Variants in ZFP64 observed in about 807,000 individuals in gnomAD.
ZFP64 encodes zinc finger protein 64.
Under a neutral mutation model 51.6 loss-of-function variants are expected in ZFP64, and 14 were observed. That is an observed-to-expected ratio of 0.27 (90% CI 0.18 to 0.42). The LOEUF (loss-of-function observed/expected upper bound fraction) is 0.42. Ranked by LOEUF, ZFP64 falls within the 10% of genes least tolerant of loss-of-function variation. ZFP64 has a pLI of 1.00. For missense variants in ZFP64, 754 were observed against 906.8 expected (o/e 0.83, Z 2.16); for synonymous variants, 375 against 361.4 (o/e 1.04, Z -0.43).
intron 2 of ZFP64, among the ~76,000 whole-genome samples, chr20:52,170,163 A>T (rs1420766154): frequency 6.6e-6 from 1 of 151,280 alleles, no homozygotes; most frequent in East Asian, 2.0e-4. Flanking sequence ...GGTTAAACAC[A>T]GCAAAGGGCC....
intron 5 of ZFP64, among the ~76,000 whole-genome samples, chr20:52,098,929 G>A (rs1041346739): frequency 6.7e-6 from 1 of 150,234 alleles, no homozygotes. Flanking sequence ...TGGAACCTGG[G>A]AGGCAGAGGT....
At chr20:52,134,817 T>C (rs1462279643) in intron 5 of ZFP64, among the ~76,000 whole-genome samples, 4 of 152,178 alleles carry the variant, frequency 2.6e-5, no homozygotes, top group Non-Finnish European at 4.4e-5. Flanking sequence ...GGACCACTTT[T>C]TTTTGTATGG....
intron 5 of ZFP64, chr20:52,111,033 C>A: frequency 7.1e-7 from 1 of 1,413,174 alleles, no homozygotes; most frequent in Admixed American, 1.8e-5. Context: ...GCTTGGTGTG[C>A]AGGCCGCTGC....
At chr20:52,098,634 A>G (rs778722692) in intron 5 of ZFP64, 2 of 1,611,572 alleles carry the variant, frequency 1.2e-6, no homozygotes, top group Non-Finnish European at 1.7e-6. Flanking sequence ...TATAACCACC[A>G]TGCTAAGTCT....
rs1206448306 is a variant in ZFP64, at chr20:52,085,927, A to G, written c.1229-661T>C. 5.9e-5 allele frequency among the ~76,000 whole-genome samples: 9 copies of G among 152,156 alleles called. No individual in the cohort carries two copies. The East Asian group carries it at 1.7e-3, about 29-fold the overall frequency. ...GCTGCTTTAAACGTCAGTTGAATAT[A>G]CACAAAGATAAGCATCTTATCCTAC... On this transcript the variant is annotated intron_variant, in intron 8 of 8. Transcript: ENST00000361387. The surrounding 1 kb of genome is among the most constrained non-coding windows in gnomAD (Gnocchi z 4.3).
At chr20:52,149,966 TG>T (rs1369104117), downstream of ZFP64, among the ~76,000 whole-genome samples, 2 of 152,180 alleles carry the variant, frequency 1.3e-5, no homozygotes, top group Non-Finnish European at 2.9e-5. Context: ...CCCAGCACTT[TG>T]GGAGACCGAG....
chr20:52,096,775 G>A, intron 7 of ZFP64: 1 of 207,048 alleles, frequency 4.8e-6, no homozygotes, highest in Non-Finnish European at 1.0e-5. Flanking sequence ...TGTAATCCTA[G>A]CTATTCAGGA....
intron 5 of ZFP64, among the ~76,000 whole-genome samples, chr20:52,103,757 T>C (rs1600708457): frequency 6.6e-6 from 1 of 152,252 alleles, no homozygotes; most frequent in East Asian, 1.9e-4. Context: ...GACGGGATCC[T>C]GTAAGTCTCA....
chr20:52,157,343 TCA>T (rs1280844683), intron 5 of ZFP64, among the ~76,000 whole-genome samples: 1 of 152,144 alleles, frequency 6.6e-6, no homozygotes, highest in African/African-American at 2.4e-5. Context: ...CATAGGAAAC[TCA>T]CACAGTTTTT....
intron 5 of ZFP64, among the ~76,000 whole-genome samples, chr20:52,155,389 T>TC (rs200780415): frequency 0.016 from 2,434 of 152,288 alleles, 62 homozygotes; most frequent in African/African-American, 0.056. Context: ...TTCAAGGACC[T>TC]CCTTCCCAAA....
intron 5 of ZFP64, among the ~76,000 whole-genome samples, chr20:52,113,422 CTTTT>C (rs936439409): frequency 1.0e-4 from 10 of 96,518 alleles, no homozygotes; most frequent in Non-Finnish European, 1.8e-4. Context: ...GCCAGGAATT[CTTTT>C]TTTTTTTTTT....
Position 52,105,047 on chromosome 20 carries a change from C to A in ZFP64, c.764-6460G>T. 3.6e-6 allele frequency: 5 copies of A among 1,382,362 alleles called. No homozygotes were observed. In the South Asian group the frequency reaches 7.9e-5, roughly 22 times the overall value. The allele number at this position is 1,382,362 out of a possible 1,614,324, so 85.6% of individuals were successfully genotyped here. A position where few individuals can be genotyped will look rare whatever the true frequency, so the allele number is the denominator to read the frequency against. ...TTCGCCCGCCCTTTCAGGTCCCCTG[C>A]CCGGTCCTCGTACCCGCGCGGGTCC... On this transcript the variant is annotated intron_variant, in intron 5 of 8. Coordinates refer to the ZFP64 transcript ENST00000361387.
At chr20:52,112,801 G>A (rs1488089671) in intron 5 of ZFP64, among the ~76,000 whole-genome samples, 1 of 151,792 alleles carries the variant, frequency 6.6e-6, no homozygotes, top group African/African-American at 2.4e-5. Flanking sequence ...TTTTTTTGTA[G>A]AGAAGATGTT....
chr20:52,098,437 C>G lies in ZFP64; in HGVS notation c.913+1G>C. 6.2e-7 allele frequency: 1 copy of G among 1,613,924 alleles called. No homozygotes were observed. On this transcript the variant is annotated splice_donor_variant, in intron 6 of 8. Coordinates refer to the ZFP64 transcript ENST00000361387. LOFTEE classifies it high-confidence loss of function. ...CTCAGCACGCAGGGTTTTACTCTTA[C>G]CTGGGTAGCAACAGTTGAACGTCCT...
rs538759043 is a variant in ZFP64, at chr20:52,152,628, C to T, written c.1564G>A (p.Val522Ile). 1.8e-5 allele frequency: 27 copies of T among 1,534,166 alleles called. No homozygotes were observed. In the East Asian group the frequency reaches 4.3e-4, roughly 24 times the overall value. ...TTCTGGGCCACCAAGGCAGGCGGGA[C>T]GATGTTCACTGCAGCGGCGGCAGCC... ...VQAAAAAVNI[V>I]PPALVAQNPE... is the part of the protein sequence containing the mutation. Residue 522 changes from valine to isoleucine, a missense_variant, in exon 6 of 6, where the codon GTC (valine) becomes ATC (isoleucine). Physicochemically the swap from Val to Ile is conservative, Grantham distance 29 (BLOSUM62 3). Transcript: ENST00000216923.
At chr20:52,106,084 C>T (rs1201318089) in intron 5 of ZFP64, among the ~76,000 whole-genome samples, 1 of 152,176 alleles carries the variant, frequency 6.6e-6, no homozygotes, top group African/African-American at 2.4e-5. Flanking sequence ...CGCGCCCGCT[C>T]CCGCCCCGTG....
intron 5 of ZFP64, among the ~76,000 whole-genome samples, chr20:52,139,280 T>C (rs1341444851): frequency 6.6e-6 from 1 of 152,122 alleles, no homozygotes; most frequent in Non-Finnish European, 1.5e-5. Flanking sequence ...GTGGGCTGGA[T>C]AAAGGAAATG....
chr20:52,106,315 G>A (rs1218168734), intron 5 of ZFP64, among the ~76,000 whole-genome samples: 1 of 152,220 alleles, frequency 6.6e-6, no homozygotes, highest in Non-Finnish European at 1.5e-5. Flanking sequence ...ACATCCCCCA[G>A]GTGTTTACTT....
chr20:52,169,244 A>G (rs1982518653), intron 2 of ZFP64, among the ~76,000 whole-genome samples: 1 of 152,242 alleles, frequency 6.6e-6, no homozygotes, highest in Admixed American at 6.5e-5. Flanking sequence ...AGTTCAATAG[A>G]ACCAGACTCT....
Sources: gnomAD v4.1 joint callset for allele counts (sites outside exome capture counted in the v4.1 genomes callset) on GRCh38, gnomAD v4.1.1 for gene constraint, Gnocchi (gnomAD v3.1) non-coding constraint, MANE v1.5 for transcripts, NCBI Gene and HGNC (gene_info 2026-07-23, HGNC 2026-07-21) for gene names.